BEAN1: variants seen among roughly 807,000 people sequenced by gnomAD.
BEAN1 encodes the protein protein BEAN1.
In BEAN1, 17 loss-of-function variants were observed where a neutral mutation model predicts 17.7. The observed-to-expected ratio is 0.96, with a 90% CI of 0.66 to 1.44. BEAN1 has a LOEUF of 1.44. Among genes scored for constraint, BEAN1 ranks in the 40% most tolerant of loss-of-function variants. The probability of loss-of-function intolerance (pLI) is 0.00; values close to 1 mark genes in which losing one functional copy is unlikely to be tolerated. For synonymous variants in BEAN1, 142 were observed against 151.8 expected, an observed-to-expected ratio of 0.94 and a Z score of 0.47; for missense variants, 359 against 374.1, an observed-to-expected ratio of 0.96 and a Z score of 0.33.
chr16:66,487,591 C>A (rs989161664), downstream of BEAN1, among the ~76,000 whole-genome samples: 1 of 152,212 alleles, frequency 6.6e-6, no homozygotes, highest in Admixed American at 6.5e-5. Context: ...TCCTCCTCCT[C>A]ACCCTCTGCA....
chr16:66,481,462 C>T lies in BEAN1; in HGVS notation c.*537C>T. The T allele has an allele frequency of 5.1e-6, 2 of 389,544 alleles. No homozygotes were observed. The highest frequency in any genetic ancestry group is 4.5e-6 in the Non-Finnish European group (1 of 220,972). The allele number at this position is 389,544 out of a possible 1,614,324, so 24.1% of individuals were successfully genotyped here. The stretch of plus-strand genomic sequence containing the variant: ...GGCCCCAGTGAGGTTCCGTTGTGCG[C>T]TGTGCCTATCTCTCGATTCCAGGGC... On this transcript the variant is annotated 3_prime_UTR_variant, in exon 5 of 5. Coordinates refer to ENST00000536005, the MANE Select transcript of BEAN1 (RefSeq NM_001178020.3). This position sits in a 1 kb window ranked among gnomAD's most constrained non-coding sequence, Gnocchi z 4.1.
Position 66,469,797 on chromosome 16 carries a change from A to G in BEAN1, c.221A>G (p.His74Arg). Residue 74 changes from histidine to arginine, a missense_variant, in exon 3 of 5, where the codon CAC becomes CGC. Physicochemically the swap from His to Arg is conservative, Grantham distance 29. Coordinates refer to ENST00000536005, the MANE Select transcript of BEAN1 (RefSeq NM_001178020.3). ...QARLQRHRHR[H>R]HRHHHHHHHH... ...CGGCTTCAGCGGCACCGCCACCGCC[A>G]CCACCGCCACCACCACCACCATCAT... 6.6e-7 allele frequency: 1 copy of G among 1,511,054 alleles called. No individual in the cohort carries two copies. The highest frequency in any genetic ancestry group is 8.9e-7 in the Non-Finnish European group (1 of 1,127,164). The allele number at this position is 1,511,054 out of a possible 1,614,324, so 93.6% of individuals were successfully genotyped here. A position where few individuals can be genotyped will look rare whatever the true frequency, so the allele number is the denominator to read the frequency against.
At chr16:66,459,625 G>A (rs1180379478) in intron 2 of BEAN1, among the ~76,000 whole-genome samples, 1 of 152,060 alleles carries the variant, frequency 6.6e-6, no homozygotes, top group Non-Finnish European at 1.5e-5. Flanking sequence ...CTGTCCCAAA[G>A]GACAGTCTCT....
At chr16:66,477,364 A>AAC (rs1963788786) in intron 3 of BEAN1, among the ~76,000 whole-genome samples, 196 bp from the exon 4 acceptor site, 1 of 152,136 alleles carries the variant, frequency 6.6e-6, no homozygotes, top group Admixed American at 6.5e-5. Flanking sequence ...TCCTCTCTGT[A>AAC]TCCCCATGCC....
chr16:66,459,248 C>T (rs779864986), intron 2 of BEAN1, among the ~76,000 whole-genome samples: 4 of 152,136 alleles, frequency 2.6e-5, no homozygotes, highest in Admixed American at 6.5e-5. Flanking sequence ...ATCTGCAACC[C>T]GAGGCTCTCC....
chr16:66,437,488 A>G (rs946241939), intron 1 of BEAN1, 107 bp from the exon 2 acceptor site: 4 of 657,742 alleles, frequency 6.1e-6, no homozygotes, highest in Non-Finnish European at 1.0e-5. Context: ...AGAAGTGACC[A>G]TCCTCTCCCG....
chr16:66,489,843 A>G (rs1964140585), intron 4 of BEAN1, among the ~76,000 whole-genome samples: 1 of 151,986 alleles, frequency 6.6e-6, no homozygotes, highest in Admixed American at 6.6e-5. Flanking sequence ...AGGGGGATCT[A>G]TTTTCGAGTA....
intron 4 of BEAN1, 47 bp downstream of exon 4, chr16:66,477,757 G>A (rs1427920449): frequency 6.8e-7 from 1 of 1,465,356 alleles, no homozygotes; most frequent in East Asian, 2.6e-5. Flanking sequence ...TGGGGCCCTG[G>A]ACACAAAGAC....
rs375255201 is a variant in BEAN1, at chr16:66,478,505, G to A, written c.440+795G>A. Reference sequence around the variant, plus strand: ...TAGTCCCAGCTACTTGGGAGGCTGAGGCAGGAGAATCGCTTGAACCCGGGA... The same window carrying A: ...TAGTCCCAGCTACTTGGGAGGCTGAAGCAGGAGAATCGCTTGAACCCGGGA... On this transcript the variant is annotated intron_variant, in intron 4 of 4. Transcript: ENST00000536005. Among the ~76,000 whole-genome samples the A allele has an allele frequency of 2.0e-3, 305 of 152,318 alleles. 1 individual carries two copies. The highest frequency in any genetic ancestry group is 6.8e-3 in the African/African-American group (281 of 41,558).
chr16:66,454,371 C>T (rs1032108096), intron 2 of BEAN1, among the ~76,000 whole-genome samples: 1 of 152,160 alleles, frequency 6.6e-6, no homozygotes, highest in Non-Finnish European at 1.5e-5. Context: ...TATCTTCTTT[C>T]AATTCTCCCA....
At chr16:66,437,885 C>A in intron 2 of BEAN1, 184 bp downstream of exon 2, 1 of 772,814 alleles carries the variant, frequency 1.3e-6, no homozygotes, top group South Asian at 1.5e-5. Flanking sequence ...GCAAGATGCT[C>A]CCTGAGAACT....
intron 3 of BEAN1, 171 bp downstream of exon 3, chr16:66,470,036 C>T (rs1567502449): frequency 2.2e-6 from 2 of 930,010 alleles, no homozygotes; most frequent in South Asian, 1.8e-5. Context: ...ATAATGTTCT[C>T]GGTGACATGA....
Position 66,469,816 on chromosome 16 carries a change from C to G in BEAN1, c.240C>G (p.His80Gln). Residue 80 changes from histidine (H) to glutamine (Q), a missense_variant, in exon 3 of 5, where the codon CAC becomes CAG. Coordinates refer to ENST00000536005, the MANE Select transcript of BEAN1 (RefSeq NM_001178020.3). ...ACCGCCACCACCGCCACCACCACCACCATCATCACCACCGCCGGCGTCGAC... is the reference window on the plus strand; with the variant it reads ...ACCGCCACCACCGCCACCACCACCAGCATCATCACCACCGCCGGCGTCGAC... Reference protein sequence around the residue: ...HRHRHHRHHHHHHHHRRRRHR... With the variant: ...HRHRHHRHHHQHHHHRRRRHR... The G allele has an allele frequency of 6.5e-7, 1 of 1,535,600 alleles. No homozygotes were observed. Among genetic ancestry groups the G allele is most frequent in the Non-Finnish European group, 8.7e-7 (1 of 1,146,766 alleles).
chr16:66,492,460 G>C (rs906693564), intron 4 of BEAN1, among the ~76,000 whole-genome samples: 5 of 151,808 alleles, frequency 3.3e-5, no homozygotes, highest in African/African-American at 9.7e-5. Context: ...GTTTTTTTGA[G>C]ATGGAGTCTC....
At chr16:66,446,597 G>A (rs1430225376) in intron 2 of BEAN1, among the ~76,000 whole-genome samples, 5 of 152,098 alleles carry the variant, frequency 3.3e-5, no homozygotes, top group Admixed American at 6.6e-5. Flanking sequence ...TGTGAATGCC[G>A]CTCAGTGCTG....
At chr16:66,453,726 G>A (rs1048914582) in intron 2 of BEAN1, among the ~76,000 whole-genome samples, 1 of 142,648 alleles carries the variant, frequency 7.0e-6, no homozygotes, top group African/African-American at 2.7e-5. Flanking sequence ...GAAGCATGTA[G>A]TTTAATTTTT....
In BEAN1 at chr16:66,493,447, C is replaced by G. The variant is rs534486281; in HGVS notation, c.*6C>G. The G allele has an allele frequency of 7.4e-5, 45 of 609,890 alleles. 1 individual carries two copies. The South Asian group carries it at 7.9e-4, about 11-fold the overall frequency. The allele number at this position is 609,890 out of a possible 1,614,324, so 37.8% of individuals were successfully genotyped here. ...GTGGCTCTCCAGTCCTCTAGGGCCC[C>G]CAGTGCCATGGCAGCACATGCCTGG... On this transcript the variant is annotated 3_prime_UTR_variant, in exon 5 of 5. Coordinates refer to the BEAN1 transcript ENST00000561796.
At chr16:66,484,763 T>G (rs1964062965), downstream of BEAN1, 2 of 446,958 alleles carry the variant, frequency 4.5e-6, no homozygotes, top group Non-Finnish European at 9.0e-6. The surrounding 1 kb of genome is among the most constrained non-coding windows in gnomAD (Gnocchi z 4.2). Context: ...GCAGTCCCAC[T>G]GGTGACTCTG....
chr16:66,491,582 C>T (rs748835642), intron 4 of BEAN1, among the ~76,000 whole-genome samples: 2 of 152,156 alleles, frequency 1.3e-5, no homozygotes, highest in African/African-American at 4.8e-5. Flanking sequence ...ACGAGACCAG[C>T]GGTCCCCAAC....
Sources: allele counts gnomAD v4.1 joint callset (sites outside exome capture counted in the v4.1 genomes callset), GRCh38; gene constraint gnomAD v4.1.1; non-coding constraint Gnocchi (gnomAD v3.1); transcripts MANE v1.5; gene names NCBI Gene and HGNC (gene_info 2026-07-23, HGNC 2026-07-21).